FAM83G: variants seen among roughly 807,000 people sequenced by gnomAD.
FAM83G encodes the protein protein FAM83G.
A neutral mutation model predicts 61.5 loss-of-function variants in FAM83G; 38 were observed. The ratio of observed to expected loss-of-function variants is 0.62; its 90% CI spans 0.48 to 0.81. FAM83G has a LOEUF of 0.81. FAM83G is among the 30% of genes least tolerant of loss of function. The pLI is 0.00. For missense variants in FAM83G, 989 were observed against 1,133.6 expected (o/e 0.87, Z 1.83); for synonymous variants, 470 against 476.1 (o/e 0.99, Z 0.17).
rs531504066 is a variant in FAM83G, at chr17:19,000,485, G to C, written c.522+3035C>G. ...CCTGCTGTCCACTAGTTCCATTCTA[G>C]TCATTTGGGAACAGGGGGGACTGAC... is the stretch of plus-strand genomic sequence containing the variant. On this transcript the variant is annotated intron_variant, in intron 2 of 5. Transcript: ENST00000388995. This position sits in a 1 kb window ranked among gnomAD's most constrained non-coding sequence, Gnocchi z 5.2. Among the ~76,000 whole-genome samples, 147 of 152,320 alleles carry C rather than the reference G, an allele frequency of 9.7e-4. 1 individual carries two copies. Among genetic ancestry groups the C allele is most frequent in the Middle Eastern group, 3.4e-3 (1 of 294 alleles).
At position 19,003,769 on chromosome 17, in the gene FAM83G, C is replaced by T; in HGVS notation, c.273G>A (p.Glu91=). ...PRGTGPSQGP[E]DNGVGDGEEA... is the part of the protein sequence containing the mutation. ...CCTCGCCGTCGCCGACCCCATTGTCCTCGGGCCCCTGAGAGGGGCCCGTGC... is the reference window on the plus strand; with the variant it reads ...CCTCGCCGTCGCCGACCCCATTGTCTTCGGGCCCCTGAGAGGGGCCCGTGC... The change falls in exon 2 of 6, where the codon GAG becomes GAA. Residue 91 remains glutamate (E), a synonymous_variant. Transcript: ENST00000388995. The surrounding 1 kb of genome is among the most constrained non-coding windows in gnomAD (Gnocchi z 4.5). 1 of 1,610,132 alleles carries T rather than the reference C, an allele frequency of 6.2e-7. No individual in the cohort carries two copies. The highest frequency in any genetic ancestry group is 8.5e-7 in the Non-Finnish European group (1 of 1,178,792).
rs969896084 is a variant in FAM83G, at chr17:19,003,780, G to C, written c.262C>G (p.Gln88Glu). The C allele has an allele frequency of 7.4e-6, 12 of 1,611,384 alleles. No homozygotes were observed. The African/African-American group carries it at 1.2e-4, about 16-fold the overall frequency. The change falls in exon 2 of 6, where the codon CAG (glutamine) becomes GAG (glutamate). Residue 88 changes from glutamine to glutamate, a missense_variant. Gln to Glu is a conservative substitution (Grantham distance 29). Coordinates refer to ENST00000388995, the MANE Select transcript of FAM83G (RefSeq NM_001039999.3). This position sits in a 1 kb window ranked among gnomAD's most constrained non-coding sequence, Gnocchi z 4.5. ...CCGACCCCATTGTCCTCGGGCCCCT[G>C]AGAGGGGCCCGTGCCCCGAGGGTCC... ...SEDPRGTGPS[Q>E]GPEDNGVGDG...
chr17:18,979,686 C>G lies in FAM83G; in HGVS notation c.691-13G>C. 2.5e-6 allele frequency: 4 copies of G among 1,612,802 alleles called. No homozygotes were observed. In the South Asian group the frequency reaches 3.3e-5, roughly 13 times the overall value. On this transcript the variant is annotated splice_polypyrimidine_tract_variant and intron_variant, in intron 3 of 5. Coordinates refer to ENST00000388995, the MANE Select transcript of FAM83G (RefSeq NM_001039999.3). ...GCACTCTGAGATTCTGTTTTGGGAA[C>G]CAAGAGACAGAATTACACGACTGCA...
chr17:19,005,524 G>T (rs1255561113), upstream of FAM83G, among the ~76,000 whole-genome samples: 1 of 152,192 alleles, frequency 6.6e-6, no homozygotes, highest in Non-Finnish European at 1.5e-5. Flanking sequence ...AGTCTGCCCG[G>T]CACCAGGCCC....
chr17:19,004,864 A>T (rs1256424527), upstream of FAM83G: 1 of 151,478 alleles, frequency 6.6e-6, no homozygotes, highest in Non-Finnish European at 1.5e-5. This position sits in a 1 kb window ranked among gnomAD's most constrained non-coding sequence, Gnocchi z 5.4. Flanking sequence ...AAGCTGATTC[A>T]CCCCTCGACA....
chr17:18,998,697 T>A (rs557896898), intron 2 of FAM83G, among the ~76,000 whole-genome samples: 7 of 152,304 alleles, frequency 4.6e-5, no homozygotes, highest in Non-Finnish European at 1.0e-4. Flanking sequence ...GAAGGGAGCC[T>A]TTGGAGCGCA....
In FAM83G at chr17:18,971,837, C is replaced by G; in HGVS notation, c.2083-89G>C. 1 of 1,442,684 alleles carries G rather than the reference C, an allele frequency of 6.9e-7. No homozygotes were observed. Among genetic ancestry groups the G allele is most frequent in the Non-Finnish European group, 9.2e-7 (1 of 1,082,476 alleles). The allele number at this position is 1,442,684 out of a possible 1,614,324, so 89.4% of individuals were successfully genotyped here. On this transcript the variant is annotated intron_variant, in intron 5 of 5. Coordinates refer to ENST00000388995, the MANE Select transcript of FAM83G (RefSeq NM_001039999.3). This position sits in a 1 kb window ranked among gnomAD's most constrained non-coding sequence, Gnocchi z 5.5. ...CCCTGCTCAGGCACACAGGAGCCGG[C>G]AGGCCCGGGTTCGCCTCCTGGCTCT...
At chr17:18,998,035 C>A (rs1020919289) in intron 2 of FAM83G, among the ~76,000 whole-genome samples, 3 of 152,248 alleles carry the variant, frequency 2.0e-5, no homozygotes, top group Non-Finnish European at 4.4e-5. Flanking sequence ...GGGGCTCATG[C>A]CTGGGTCCCA....
In FAM83G at chr17:19,003,533, C is replaced by A; in HGVS notation, c.509G>T (p.Ser170Ile). The change falls in exon 2 of 6, where the codon AGC becomes ATC. Residue 170 changes from serine (S) to isoleucine (I), a missense_variant. Ser to Ile is a moderately radical substitution (Grantham distance 142). Coordinates refer to ENST00000388995, the MANE Select transcript of FAM83G (RefSeq NM_001039999.3). This position sits in a 1 kb window ranked among gnomAD's most constrained non-coding sequence, Gnocchi z 4.5. The part of the protein sequence containing the change: ...HIKEVVRKMI[S>I]QAQKVIAVVM... ...GCGCTGCCTCACCTTCTGTGCCTGG[C>A]TGATCATCTTCCGCACCACCTCTTT... is the stretch of plus-strand genomic sequence containing the variant. The A allele has an allele frequency of 2.0e-6, 3 of 1,538,240 alleles. No homozygotes were observed. Among genetic ancestry groups the A allele is most frequent in the South Asian group, 1.3e-5 (1 of 79,048 alleles).
intron 5 of FAM83G, chr17:18,976,692 C>T (rs1300144251): frequency 6.7e-6 from 6 of 902,108 alleles, no homozygotes; most frequent in Non-Finnish European, 9.9e-6. Context: ...CCTGGTGGGA[C>T]CCTGACAGTA....
intron 2 of FAM83G, among the ~76,000 whole-genome samples, chr17:18,999,058 T>C (rs1235312880): frequency 1.3e-5 from 2 of 152,034 alleles, no homozygotes; most frequent in Non-Finnish European, 2.9e-5. Context: ...GGCGGGTGGA[T>C]CACAAGGTCA....
Position 18,978,857 on chromosome 17 carries a change from C to T in FAM83G, c.816-7G>A, listed in dbSNP as rs1027504196. 3 of 1,610,484 alleles carry T rather than the reference C, an allele frequency of 1.9e-6. No individual in the cohort carries two copies. The highest frequency in any genetic ancestry group is 1.3e-5 in the African/African-American group (1 of 74,904). ...CGCGGCCGACCACGTGAAGCTGCAACAGAGGGAGGGGGCGCTGGTCAGGCA... is the reference window on the plus strand; with the variant it reads ...CGCGGCCGACCACGTGAAGCTGCAATAGAGGGAGGGGGCGCTGGTCAGGCA... On this transcript the variant is annotated splice_region_variant and splice_polypyrimidine_tract_variant and intron_variant, in intron 4 of 5. Coordinates refer to ENST00000388995, the MANE Select transcript of FAM83G (RefSeq NM_001039999.3).
intron 2 of FAM83G, among the ~76,000 whole-genome samples, chr17:19,001,705 G>C (rs1445015748): frequency 6.6e-6 from 1 of 152,228 alleles, no homozygotes. Flanking sequence ...GTACGGAGTG[G>C]CTGGGTCACA....
In FAM83G at chr17:18,968,829, C is replaced by A; in HGVS notation, c.*2530G>T. 1 of 548,106 alleles carries A rather than the reference C, an allele frequency of 1.8e-6. No individual in the cohort carries two copies. 34.0% of individuals were successfully genotyped at this position (548,106 alleles called of 1,614,324 possible). A position where few individuals can be genotyped will look rare whatever the true frequency, so the allele number is the denominator to read the frequency against. On this transcript the variant is annotated 3_prime_UTR_variant, in exon 6 of 6. Transcript: ENST00000388995. The surrounding 1 kb of genome is among the most constrained non-coding windows in gnomAD (Gnocchi z 4.1). ...TGGCCACTTTGGACTTTATTAGCAA[C>A]AGTAATGTCCCCTGACATCCGCACA...
intron 3 of FAM83G, among the ~76,000 whole-genome samples, chr17:18,986,944 G>A (rs2043285682): frequency 6.6e-6 from 1 of 152,214 alleles, no homozygotes; most frequent in African/African-American, 2.4e-5. Flanking sequence ...TACGCGGCGG[G>A]GAGTGAGGTG....
intron 2 of FAM83G, among the ~76,000 whole-genome samples, chr17:18,990,448 G>A (rs2043387380): frequency 6.6e-6 from 1 of 152,178 alleles, no homozygotes; most frequent in Non-Finnish European, 1.5e-5. Flanking sequence ...ACAGCCTCAC[G>A]TGCCACCCTG....
rs994795368 is a variant in FAM83G at position 19,004,062 on chromosome 17, T to G, written c.-21A>C. On this transcript the variant is annotated 5_prime_UTR_variant, in exon 2 of 6. Transcript: ENST00000388995. The surrounding 1 kb of genome is among the most constrained non-coding windows in gnomAD (Gnocchi z 5.4). ...GCCATGGCGCCGCCTGCCCGGGCAC[T>G]GCTGCCGGGGGTGGGTGGGCAAGGT... The G allele has an allele frequency of 3.2e-6, 5 of 1,561,404 alleles. No individual in the cohort carries two copies. The highest frequency in any genetic ancestry group is 4.3e-6 in the Non-Finnish European group (5 of 1,152,434).
chr17:18,978,546 G>T lies in FAM83G; in HGVS notation c.1120C>A (p.Leu374Met). The T allele has an allele frequency of 6.2e-7, 1 of 1,613,302 alleles. No individual in the cohort carries two copies. Among genetic ancestry groups the T allele is most frequent in the South Asian group, 1.1e-5 (1 of 91,082 alleles). ...SSEKQEAKKP[L>M]GLKGPALAEH... ...GCCAGCGCTGGGCCTTTCAGCCCCA[G>T]GGGCTTCTTGGCCTCCTGCTTCTCA... The change falls in exon 5 of 6, where the codon CTG (leucine) becomes ATG (methionine). Residue 374 changes from leucine (L) to methionine (M), a missense_variant. Physicochemically the swap from Leu to Met is conservative, Grantham distance 15 (BLOSUM62 2). This residue lies in a region of FAM83G where 574 missense variants were observed against 645.1 expected (regional missense o/e 0.89). Transcript: ENST00000388995.
chr17:18,984,422 C>T (rs935479078), intron 3 of FAM83G, among the ~76,000 whole-genome samples: 4 of 152,136 alleles, frequency 2.6e-5, no homozygotes, highest in African/African-American at 9.7e-5. Context: ...AAGCAACACC[C>T]AGGCATCCCC....
Sources: gnomAD v4.1 joint callset for allele counts (sites outside exome capture counted in the v4.1 genomes callset) on GRCh38, gnomAD v4.1.1 for gene constraint, gnomAD v4.1.1 regional missense constraint, Gnocchi (gnomAD v3.1) non-coding constraint, MANE v1.5 for transcripts, NCBI Gene and HGNC (gene_info 2026-07-23, HGNC 2026-07-21) for gene names.